TFR2: variants seen among roughly 807,000 people sequenced by gnomAD.
The protein encoded by TFR2 is transferrin receptor protein 2.
In TFR2, 64 loss-of-function variants were observed where a neutral mutation model predicts 91.9. The ratio of observed to expected loss-of-function variants is 0.70; its 90% CI spans 0.57 to 0.86. TFR2 has a LOEUF of 0.86. TFR2 is among the 40% of genes least tolerant of loss of function. TFR2 has a pLI of 0.00. For synonymous variants in TFR2, 454 were observed against 459.6 expected (o/e 0.99, Z 0.15); for missense variants, 950 against 1,080.5 (o/e 0.88, Z 1.69).
At position 100,630,982 on chromosome 7, in the gene TFR2, G is replaced by A. The variant is rs749669683; in HGVS notation, c.1177C>T (p.Pro393Ser). ...SLLGSPYHLGPGPRLRLVVNN... is the reference protein window; with the variant it reads ...SLLGSPYHLGSGPRLRLVVNN... ...ACCACTAGCCGCAGTCGTGGCCCGG[G>A]GCCCAGGTGATAAGGGGAGCCTAGG... is the stretch of plus-strand genomic sequence containing the variant. Residue 393 changes from proline (P) to serine (S), a missense_variant, in exon 9 of 18, where the codon CCC (proline) becomes TCC (serine). Coordinates refer to ENST00000223051, the MANE Select transcript of TFR2 (RefSeq NM_003227.4). 2 of 1,611,684 alleles carry A rather than the reference G, an allele frequency of 1.2e-6. No individual in the cohort carries two copies. Among genetic ancestry groups the A allele is most frequent in the Admixed American group, 1.7e-5 (1 of 59,780 alleles).
At chr7:100,630,203 T>TCTTCCTTC (rs56033226) in intron 9 of TFR2, among the ~76,000 whole-genome samples, 19,587 of 149,680 alleles carry the variant, frequency 0.13, 1,362 homozygotes, top group Non-Finnish European at 0.16. Flanking sequence ...CATGCTTGAG[T>TCTTCCTTC]CTTCCTTCCT....
rs747312334 is a variant in TFR2 at position 100,628,143 on chromosome 7, G to A, written c.1474-7C>T. 6.2e-7 allele frequency: 1 copy of A among 1,614,100 alleles called. No individual in the cohort carries two copies. The highest frequency in any genetic ancestry group is 1.1e-5 in the South Asian group (1 of 91,086). ...GCAGCACGCTGAGGTAGCCCTGTGG[G>A]TGGGTGACCAGTGTGGAGTGGGAAC... is the stretch of plus-strand genomic sequence containing the variant. On this transcript the variant is annotated splice_region_variant and splice_polypyrimidine_tract_variant and intron_variant, in intron 11 of 17. Transcript: ENST00000223051.
At chr7:100,630,333 A>G (rs997342341) in intron 9 of TFR2, among the ~76,000 whole-genome samples, 24 of 146,864 alleles carry the variant, frequency 1.6e-4, no homozygotes, top group African/African-American at 6.1e-4. Context: ...TCTGTTGCCC[A>G]GGCTGGAGTG....
intron 9 of TFR2, among the ~76,000 whole-genome samples, chr7:100,630,406 G>A (rs534884462): frequency 6.6e-5 from 10 of 151,978 alleles, no homozygotes; most frequent in African/African-American, 2.4e-4. Context: ...TCTCCTGTCC[G>A]AGCCTCCGGA....
rs530055740 is a variant in TFR2, at chr7:100,629,197, C to T, written c.1390+56G>A. The T allele has an allele frequency of 8.5e-5, 137 of 1,606,088 alleles. No individual in the cohort carries two copies. The African/African-American group carries it at 1.1e-3, about 13-fold the overall frequency. Reference sequence around the variant, plus strand: ...CACTGCCTCTCTGCCCTATCCTCCTCGGGCCACAGGCCCACCGCTGCCTAG... The same window carrying T: ...CACTGCCTCTCTGCCCTATCCTCCTTGGGCCACAGGCCCACCGCTGCCTAG... On this transcript the variant is annotated intron_variant, in intron 10 of 17. Coordinates refer to ENST00000223051, the MANE Select transcript of TFR2 (RefSeq NM_003227.4).
In TFR2 at chr7:100,641,010, G is replaced by A. The variant is rs776441721; in HGVS notation, c.252C>T (p.Tyr84=). Residue 84 remains tyrosine, a synonymous_variant, in exon 2 of 18, where the codon TAC becomes TAT. Transcript: ENST00000223051. ...AGATCAGCAGGGCCGTCAGGACCAG[G>A]TAGGGGGCAGCCCTCCGTCCTGCTG... ...WAAAGRRAAP[Y]LVLTALLIFT... is the part of the protein sequence containing the mutation. 1 of 1,604,922 alleles carries A rather than the reference G, an allele frequency of 6.2e-7. No homozygotes were observed. Among genetic ancestry groups the A allele is most frequent in the African/African-American group, 1.3e-5 (1 of 74,666 alleles).
rs200201634 is a variant in TFR2, at chr7:100,628,211, G to T, written c.1473+13C>A. 1 of 1,613,384 alleles carries T rather than the reference G, an allele frequency of 6.2e-7. No homozygotes were observed. Among genetic ancestry groups the T allele is most frequent in the Non-Finnish European group, 8.5e-7 (1 of 1,179,762 alleles). On this transcript the variant is annotated intron_variant, in intron 11 of 17. Transcript: ENST00000223051. ...CCCCAATGCCTAACGACCTGCCCGG[G>T]ACCCCGTATCACCTCTAGCCACTCC...
chr7:100,633,282 G>A lies in TFR2; in HGVS notation c.673C>T (p.Pro225Ser). ...CAGTAGACGTCAGGGTCCTCCAGCGGCAGCTGCTCTCCGACCTTCCCGGCC... is the reference window on the plus strand; with the variant it reads ...CAGTAGACGTCAGGGTCCTCCAGCGACAGCTGCTCTCCGACCTTCCCGGCC... ...DEAGKVGEQL[P>S]LEDPDVYCPY... The change falls in exon 5 of 18, where the codon CCG becomes TCG. Residue 225 changes from proline (P) to serine (S), a missense_variant. Pro to Ser is a moderately conservative substitution (Grantham distance 74). Coordinates refer to ENST00000223051, the MANE Select transcript of TFR2 (RefSeq NM_003227.4). 2 of 1,613,804 alleles carry A rather than the reference G, an allele frequency of 1.2e-6. No homozygotes were observed. Among genetic ancestry groups the A allele is most frequent in the South Asian group, 1.1e-5 (1 of 91,080 alleles).
chr7:100,621,175 G>A, intron 17 of TFR2, 49 bp from the exon 18 acceptor site: 4 of 1,443,392 alleles, frequency 2.8e-6, no homozygotes, highest in East Asian at 5.1e-5. Flanking sequence ...TGGCTCGGGA[G>A]CAAAGGCCCG....
chr7:100,632,856 C>A, intron 6 of TFR2, 145 bp downstream of exon 6: 1 of 1,412,508 alleles, frequency 7.1e-7, no homozygotes, highest in South Asian at 1.2e-5. Flanking sequence ...CAGGTGAGAA[C>A]CATCGTGCCC....
intron 17 of TFR2, among the ~76,000 whole-genome samples, chr7:100,622,269 G>T (rs1277012031): frequency 2.0e-5 from 3 of 152,152 alleles, no homozygotes; most frequent in African/African-American, 7.2e-5. Context: ...TGTCAACCAG[G>T]ACCTCTGTGG....
At position 100,627,330 on chromosome 7, in the gene TFR2, G is replaced by C. The variant is rs1280897931; in HGVS notation, c.1929C>G (p.Phe643Leu). 1.3e-6 allele frequency: 2 copies of C among 1,550,664 alleles called. No homozygotes were observed. Among genetic ancestry groups the C allele is most frequent in the Non-Finnish European group, 1.7e-6 (2 of 1,147,104 alleles). ...TGAGGACGACGTCCCCGTAGCGGCC[G>C]AAGTCGAGGGGCAGCAGGCGATCGT... Reference protein sequence around the residue: ...LSHDRLLPLDFGRYGDVVLRH... With the variant: ...LSHDRLLPLDLGRYGDVVLRH... The change falls in exon 16 of 18, where the codon TTC (phenylalanine) becomes TTG (leucine). Residue 643 changes from phenylalanine (F) to leucine (L), a missense_variant. Coordinates refer to ENST00000223051, the MANE Select transcript of TFR2 (RefSeq NM_003227.4).
Position 100,627,672 on chromosome 7 carries a change from G to A in TFR2, c.1683-11C>T, listed in dbSNP as rs1289257053. On this transcript the variant is annotated splice_polypyrimidine_tract_variant and intron_variant, in intron 14 of 17. Coordinates refer to ENST00000223051, the MANE Select transcript of TFR2 (RefSeq NM_003227.4). ...GGTAGGGGCCGGATCCTGGGGGCAG[G>A]TGGGTTGGAGCGATCTGTGGGTTCA... 3 of 1,614,112 alleles carry A rather than the reference G, an allele frequency of 1.9e-6. No homozygotes were observed. Among genetic ancestry groups the A allele is most frequent in the East Asian group, 4.5e-5 (2 of 44,886 alleles).
intron 17 of TFR2, among the ~76,000 whole-genome samples, chr7:100,625,059 C>CTTTTTT (rs34968337): frequency 1.7e-4 from 18 of 105,262 alleles, no homozygotes; most frequent in East Asian, 5.8e-4. Flanking sequence ...TTTTCTTTTT[C>CTTTTTT]TTTTTTTTTT....
At position 100,627,752 on chromosome 7, in the gene TFR2, A is replaced by C. The variant is rs1299981556; in HGVS notation, c.1674T>G (p.Asp558Glu). The C allele has an allele frequency of 6.2e-7, 1 of 1,612,796 alleles. No individual in the cohort carries two copies. Among genetic ancestry groups the C allele is most frequent in the African/African-American group, 1.3e-5 (1 of 74,506 alleles). The part of the protein sequence containing the change: ...EQVVFTNPSW[D>E]AEVIRPLPMD... ...CTACCCCCCCAACTTACACCTCAGC[A>C]TCCCAGCTGGGATTGGTGAACACCA... The change falls in exon 14 of 18, where the codon GAT becomes GAG. Residue 558 changes from aspartate to glutamate, a missense_variant. Physicochemically the swap from Asp to Glu is conservative, Grantham distance 45. Transcript: ENST00000223051.
Position 100,632,071 on chromosome 7 carries a change from C to G in TFR2, c.966+11G>C. ...ACCTGGGAACAGCACGACCAGCCTC[C>G]CCAGACTCACATGTCCATACACTGC... On this transcript the variant is annotated intron_variant, in intron 7 of 17. Coordinates refer to ENST00000223051, the MANE Select transcript of TFR2 (RefSeq NM_003227.4). The G allele has an allele frequency of 6.2e-7, 1 of 1,614,126 alleles. No individual in the cohort carries two copies. Among genetic ancestry groups the G allele is most frequent in the South Asian group, 1.1e-5 (1 of 91,078 alleles).
intron 17 of TFR2, among the ~76,000 whole-genome samples, chr7:100,625,722 A>G (rs1025507326): frequency 6.6e-6 from 1 of 152,052 alleles, no homozygotes; most frequent in African/African-American, 2.4e-5. Flanking sequence ...TGTCTCTACA[A>G]AAAATAGAAA....
rs1214413763 is a variant in TFR2, at chr7:100,628,281, G to A, written c.1416C>T (p.Leu472=). 1 of 1,613,806 alleles carries A rather than the reference G, an allele frequency of 6.2e-7. No individual in the cohort carries two copies. The highest frequency in any genetic ancestry group is 1.7e-5 in the Admixed American group (1 of 59,954). Residue 472 remains leucine (L), a synonymous_variant, in exon 11 of 18, where the codon CTC becomes CTT. Coordinates refer to ENST00000223051, the MANE Select transcript of TFR2 (RefSeq NM_003227.4). ...SNGFRPRRSL[L]FISWDGGDFG... is the part of the protein sequence containing the mutation. ...AGTCACCACCGTCCCAGCTGATGAA[G>A]AGGAGACTTCTGCGGGGCCGGAAGC... is the stretch of plus-strand genomic sequence containing the variant.
chr7:100,627,341 G>A lies in TFR2; in HGVS notation c.1918C>T (p.Pro640Ser), dbSNP rs750689567. 3 of 1,551,388 alleles carry A rather than the reference G, an allele frequency of 1.9e-6. No individual in the cohort carries two copies. The highest frequency in any genetic ancestry group is 2.6e-6 in the Non-Finnish European group (3 of 1,147,298). The change falls in exon 16 of 18, where the codon CCC becomes TCC. Residue 640 changes from proline (P) to serine (S), a missense_variant. Pro to Ser is a moderately conservative substitution (Grantham distance 74). Coordinates refer to ENST00000223051, the MANE Select transcript of TFR2 (RefSeq NM_003227.4). ...LIRLSHDRLL[P>S]LDFGRYGDVV... Reference sequence around the variant, plus strand: ...TCCCCGTAGCGGCCGAAGTCGAGGGGCAGCAGGCGATCGTGGCTGAGCCGG... The same window carrying A: ...TCCCCGTAGCGGCCGAAGTCGAGGGACAGCAGGCGATCGTGGCTGAGCCGG...
Sources: gnomAD v4.1 joint callset for allele counts (sites outside exome capture counted in the v4.1 genomes callset) on GRCh38, gnomAD v4.1.1 for gene constraint, MANE v1.5 for transcripts, NCBI Gene and HGNC (gene_info 2026-07-23, HGNC 2026-07-21) for gene names.